PRDM10: variants seen among roughly 807,000 people sequenced by gnomAD.
PRDM10 encodes the protein PR/SET domain 10.
In PRDM10, 65 loss-of-function variants were observed where a neutral mutation model predicts 133.1. That is an observed-to-expected ratio of 0.49 (90% CI 0.40 to 0.60). PRDM10 has a LOEUF of 0.60. PRDM10 is among the 20% of genes least tolerant of loss of function. The pLI, the probability that PRDM10 is intolerant of heterozygous loss-of-function variation, is 0.00. For synonymous variants in PRDM10, 582 were observed against 580.4 expected (o/e 1.00, Z -0.04); for missense variants, 1,137 against 1,507.1 (o/e 0.75, Z 4.07).
At chr11:129,952,333 T>G (rs1951601847) in intron 4 of PRDM10, among the ~76,000 whole-genome samples, 1 of 152,192 alleles carries the variant, frequency 6.6e-6, no homozygotes, top group Non-Finnish European at 1.5e-5. Context: ...GGCAAGAGTG[T>G]GTGGAAATGG....
In PRDM10 at chr11:129,914,670, T is replaced by G. The variant is rs753298257; in HGVS notation, c.2841+34A>C. 5 of 1,612,734 alleles carry G rather than the reference T, an allele frequency of 3.1e-6. No homozygotes were observed. The South Asian group carries it at 4.4e-5, about 14-fold the overall frequency. On this transcript the variant is annotated intron_variant, in intron 17 of 20. Transcript: ENST00000360871. ...TGAGGTGCTAGTGGCAACACGGCAT[T>G]CATAAGGCAAAGGGAAACCAAGGCA...
intron 6 of PRDM10, 66 bp from the exon 7 acceptor site, chr11:129,942,695 G>T: frequency 7.4e-7 from 1 of 1,352,658 alleles, no homozygotes; most frequent in Non-Finnish European, 1.0e-6. Context: ...ATTTTATAAT[G>T]TCACAATACG....
intron 1 of PRDM10, among the ~76,000 whole-genome samples, chr11:129,980,861 GTTTTTT>G (rs60735364): frequency 9.8e-6 from 1 of 102,128 alleles, no homozygotes; most frequent in Non-Finnish European, 1.9e-5. Context: ...GACATTTCTG[GTTTTTT>G]TTTTTTTTTT....
chr11:129,905,277 A>G lies in PRDM10; in HGVS notation c.3267+361T>C, dbSNP rs551566829. On this transcript the variant is annotated intron_variant, in intron 20 of 20. Transcript: ENST00000360871. ...CTTGGGAGGCTGAGGCAGGAGAATC[A>G]CTTGAACCCAGGAGACGGAGGTTGC... Among the ~76,000 whole-genome samples the G allele has an allele frequency of 4.7e-5, 7 of 148,490 alleles. No individual in the cohort carries two copies. In the East Asian group the frequency reaches 1.4e-3, roughly 30 times the overall value.
At chr11:129,953,652 T>A (rs1951635570) in intron 4 of PRDM10, among the ~76,000 whole-genome samples, 1 of 152,080 alleles carries the variant, frequency 6.6e-6, no homozygotes, top group Non-Finnish European at 1.5e-5. Flanking sequence ...TTTAGAATTC[T>A]GGGTTTTTAT....
chr11:129,970,197 G>C (rs1180415653), intron 1 of PRDM10, among the ~76,000 whole-genome samples: 3 of 152,178 alleles, frequency 2.0e-5, no homozygotes, highest in Non-Finnish European at 4.4e-5. Context: ...TCCCTAAAAA[G>C]GAAGGGAACT....
intron 1 of PRDM10, among the ~76,000 whole-genome samples, chr11:130,000,504 C>G (rs1939291696): frequency 6.6e-6 from 1 of 152,122 alleles, no homozygotes; most frequent in Non-Finnish European, 1.5e-5. Context: ...CCATTCAGAG[C>G]CCTTGAAGAC....
chr11:129,981,424 G>A (rs1327222604), intron 1 of PRDM10, among the ~76,000 whole-genome samples: 1 of 152,064 alleles, frequency 6.6e-6, no homozygotes, highest in Admixed American at 6.5e-5. Context: ...TAAACTAGCT[G>A]TCTTTATATA....
chr11:129,904,155 TAAAAAA>T (rs11409202), intron 20 of PRDM10, among the ~76,000 whole-genome samples: 2 of 107,416 alleles, frequency 1.9e-5, no homozygotes, highest in South Asian at 3.3e-4. Flanking sequence ...CTCAGTATAC[TAAAAAA>T]AAAAAAAAAA....
At chr11:129,951,910 C>A (rs532625471) in intron 4 of PRDM10, among the ~76,000 whole-genome samples, 5 of 149,152 alleles carry the variant, frequency 3.4e-5, no homozygotes, top group African/African-American at 5.1e-5. Context: ...TAATGGGAAC[C>A]TTTTGGCTAA....
chr11:129,977,971 A>AG (rs11403181), intron 1 of PRDM10, among the ~76,000 whole-genome samples: 35,237 of 150,678 alleles, frequency 0.23, 7,178 homozygotes, highest in East Asian at 0.56. Flanking sequence ...TTTAAAAAAA[A>AG]AAAGAAAGAA....
intron 1 of PRDM10, among the ~76,000 whole-genome samples, chr11:129,986,407 G>A (rs545985390): frequency 1.3e-5 from 2 of 151,628 alleles, no homozygotes; most frequent in Non-Finnish European, 1.5e-5. Context: ...GTTTTTTTTC[G>A]AGACAGGGTC....
At position 129,930,218 on chromosome 11, in the gene PRDM10, T is replaced by C. The variant is rs577921055; in HGVS notation, c.1530+798A>G. On this transcript the variant is annotated intron_variant, in intron 11 of 20. Coordinates refer to ENST00000360871, the MANE Select transcript of PRDM10 (RefSeq NM_199437.2). ...TGGGAAGTTATACAAAATGTCTCTT[T>C]CATCTACTGGAAAGTACCAATATGT... Among the ~76,000 whole-genome samples, 6 of 152,360 alleles carry C rather than the reference T, an allele frequency of 3.9e-5. No homozygotes were observed. In the East Asian group the frequency reaches 1.2e-3, roughly 29 times the overall value.
chr11:129,938,398 T>C (rs1951101284), intron 7 of PRDM10, among the ~76,000 whole-genome samples: 1 of 152,224 alleles, frequency 6.6e-6, no homozygotes, highest in African/African-American at 2.4e-5. Flanking sequence ...CTTCCCCATC[T>C]TGATGAATAC....
chr11:129,929,411 T>C, intron 11 of PRDM10: 1 of 1,567,060 alleles, frequency 6.4e-7, no homozygotes. Flanking sequence ...CAAACCTACC[T>C]GCAGCTCCAA....
Position 129,971,179 on chromosome 11 carries a change from C to A in PRDM10, c.-118-10097G>T, listed in dbSNP as rs1486184412. Among the ~76,000 whole-genome samples, 3 of 152,048 alleles carry A rather than the reference C, an allele frequency of 2.0e-5. No individual in the cohort carries two copies. In the East Asian group the frequency reaches 5.8e-4, roughly 29 times the overall value. On this transcript the variant is annotated intron_variant, in intron 1 of 20. Coordinates refer to ENST00000360871, the MANE Select transcript of PRDM10 (RefSeq NM_199437.2). Reference sequence around the variant, plus strand: ...TTACAGCTCTTAAAAGCAGTGTGAACCCAGAAAGAGCAGTAGCAAAATATA... The same window carrying A: ...TTACAGCTCTTAAAAGCAGTGTGAAACCAGAAAGAGCAGTAGCAAAATATA...
chr11:129,974,260 T>A (rs1475154872), intron 1 of PRDM10, among the ~76,000 whole-genome samples: 1 of 152,144 alleles, frequency 6.6e-6, no homozygotes, highest in African/African-American at 2.4e-5. Context: ...GGGTCATTTC[T>A]GAGACACAAA....
chr11:129,963,665 T>C (rs1344615267), intron 1 of PRDM10, among the ~76,000 whole-genome samples: 1 of 152,010 alleles, frequency 6.6e-6, no homozygotes, highest in Non-Finnish European at 1.5e-5. Flanking sequence ...CATTTGAGAG[T>C]AAGTTGCCAA....
chr11:129,914,939 G>A lies in PRDM10; in HGVS notation c.2606C>T (p.Thr869Ile). 6.2e-7 allele frequency: 1 copy of A among 1,614,204 alleles called. No homozygotes were observed. The highest frequency in any genetic ancestry group is 8.5e-7 in the Non-Finnish European group (1 of 1,180,034). Residue 869 changes from threonine (T) to isoleucine (I), a missense_variant, in exon 17 of 21, where the codon ACA becomes ATA. Coordinates refer to ENST00000360871, the MANE Select transcript of PRDM10 (RefSeq NM_199437.2). ...LSNTIHTPLT[T>I]AVISATPAVL... is the part of the protein sequence containing the mutation. ...CGCTGGGGTGGCACTGATCACAGCTGTCGTCAGTGGTGTGTGTATGGTGTT... is the reference window on the plus strand; with the variant it reads ...CGCTGGGGTGGCACTGATCACAGCTATCGTCAGTGGTGTGTGTATGGTGTT...
Sources: gnomAD v4.1 joint callset for allele counts (sites outside exome capture counted in the v4.1 genomes callset) on GRCh38, gnomAD v4.1.1 for gene constraint, MANE v1.5 for transcripts, NCBI Gene and HGNC (gene_info 2026-07-23, HGNC 2026-07-21) for gene names.